Variants in UBAP2 observed in about 807,000 individuals in gnomAD.
The protein encoded by UBAP2 is ubiquitin associated protein 2, also known as ubiquitin-associated protein 2.
Under a neutral mutation model 139.6 loss-of-function variants are expected in UBAP2, and 75 were observed. The ratio of observed to expected loss-of-function variants is 0.54; its 90% CI spans 0.45 to 0.65. UBAP2 has a LOEUF of 0.65. UBAP2 is among the 30% of genes least tolerant of loss of function. The pLI is 0.00. For missense variants in UBAP2, 1,368 were observed against 1,369.6 expected, an observed-to-expected ratio of 1.00 and a Z score of 0.02; for synonymous variants, 526 against 526.2, an observed-to-expected ratio of 1.00 and a Z score of 0.01.
At position 33,933,463 on chromosome 9, in the gene UBAP2, C is replaced by T. The variant is rs201644643; in HGVS notation, c.2108+27G>A. ...CCAGGACTTGCCCCAAGGTACTTCT[C>T]ACTTTGGGCCCACACCTTCCCCATA... On this transcript the variant is annotated intron_variant, in intron 18 of 28. Coordinates refer to ENST00000379238, the MANE Select transcript of UBAP2 (RefSeq NM_001370062.2). 2.1e-5 allele frequency: 34 copies of T among 1,610,958 alleles called. No homozygotes were observed. In the African/African-American group the frequency reaches 3.9e-4, roughly 18 times the overall value.
chr9:33,925,937 G>A (rs1823391132), intron 22 of UBAP2, among the ~76,000 whole-genome samples: 1 of 152,210 alleles, frequency 6.6e-6, no homozygotes, highest in African/African-American at 2.4e-5. Context: ...CCATGGGCAG[G>A]GCAAGGAGCG....
At chr9:34,036,275 C>G (rs1284868078) in intron 1 of UBAP2, among the ~76,000 whole-genome samples, 1 of 151,894 alleles carries the variant, frequency 6.6e-6, no homozygotes, top group Non-Finnish European at 1.5e-5. Flanking sequence ...CACCGCCATG[C>G]CCGGATAATT....
intron 20 of UBAP2, 54 bp from the exon 21 acceptor site, chr9:33,927,134 G>T: frequency 7.2e-7 from 1 of 1,391,950 alleles, no homozygotes; most frequent in Non-Finnish European, 9.9e-7. Flanking sequence ...AAGAGTGAGA[G>T]TCCTCAGCTG....
At chr9:33,986,860 A>G in intron 5 of UBAP2, 23 bp from the exon 6 acceptor site, 2 of 1,608,210 alleles carry the variant, frequency 1.2e-6, no homozygotes, top group Non-Finnish European at 8.5e-7. Flanking sequence ...GAGCAGAAAA[A>G]TCAAATTTCC....
chr9:33,960,876 C>A lies in UBAP2; in HGVS notation c.748G>T (p.Ala250Ser). Residue 250 changes from alanine (A) to serine (S), a missense_variant and splice_region_variant, in exon 10 of 29, where the codon GCT (alanine) becomes TCT (serine). Ala to Ser is a moderately conservative substitution (Grantham distance 99). Transcript: ENST00000379238. The part of the protein sequence containing the change: ...SNKSSYGLKG[A>S]WKNSVEEWTT... ...CACTCTTCCACAGAATTCTTCCAAG[C>A]CCCTGTTGGGAAACAACAGCAATCA... The A allele has an allele frequency of 3.1e-6, 5 of 1,613,922 alleles. No individual in the cohort carries two copies. Among genetic ancestry groups the A allele is most frequent in the South Asian group, 2.2e-5 (2 of 91,068 alleles).
At position 33,996,283 on chromosome 9, in the gene UBAP2, A is replaced by C; in HGVS notation, c.228T>G (p.His76Gln). The change falls in exon 4 of 29, where the codon CAT becomes CAG. Residue 76 changes from histidine (H) to glutamine (Q), a missense_variant. His to Gln is a conservative substitution (Grantham distance 24, BLOSUM62 0). Coordinates refer to ENST00000379238, the MANE Select transcript of UBAP2 (RefSeq NM_001370062.2). ...CTTTGTTCACATCTCCATTACAATC[A>C]TGTAGGGCCACTATGCATTCATCCT... is the stretch of plus-strand genomic sequence containing the variant. ...KNQDECIVAL[H>Q]DCNGDVNKAI... 6.2e-7 allele frequency: 1 copy of C among 1,613,794 alleles called. No individual in the cohort carries two copies. Among genetic ancestry groups the C allele is most frequent in the Non-Finnish European group, 8.5e-7 (1 of 1,179,960 alleles).
Position 33,968,089 on chromosome 9 carries a change from C to T in UBAP2, c.679+3562G>A, listed in dbSNP as rs943762898. On this transcript the variant is annotated intron_variant, in intron 8 of 28. Transcript: ENST00000379238. ...AGGCACTCTAACTTATCAGATTGCC[C>T]GGCAGTTACATTCTCATGAATACTC... 1.8e-4 allele frequency: 83 copies of T among 470,062 alleles called. 1 individual carries two copies. Among genetic ancestry groups the T allele is most frequent in the South Asian group, 1.5e-3 (80 of 54,052 alleles). The allele number at this position is 470,062 out of a possible 1,614,324, so 29.1% of individuals were successfully genotyped here.
intron 12 of UBAP2, among the ~76,000 whole-genome samples, chr9:33,950,126 C>T (rs924709433): frequency 1.3e-5 from 2 of 152,062 alleles, no homozygotes; most frequent in Non-Finnish European, 2.9e-5. Context: ...AGTGCAGTGG[C>T]GCGATCTCGG....
At chr9:34,019,475 T>C (rs1824706622) in intron 1 of UBAP2, among the ~76,000 whole-genome samples, 1 of 151,834 alleles carries the variant, frequency 6.6e-6, no homozygotes. Context: ...GTCAAATTCA[T>C]AGAAACAAGT....
intron 6 of UBAP2, among the ~76,000 whole-genome samples, chr9:33,978,475 A>C (rs74797652): frequency 6.6e-6 from 1 of 152,230 alleles, no homozygotes; most frequent in East Asian, 1.9e-4. Context: ...AATTAGTTTT[A>C]AAAGTAGAGG....
At chr9:33,951,585 G>T (rs1826114042) in intron 12 of UBAP2, among the ~76,000 whole-genome samples, 1 of 151,968 alleles carries the variant, frequency 6.6e-6, no homozygotes, top group East Asian at 1.9e-4. Flanking sequence ...GACCTCAGGT[G>T]ATCCACCCAC....
At chr9:34,037,313 T>C (rs1312880025) in intron 1 of UBAP2, among the ~76,000 whole-genome samples, 1 of 152,084 alleles carries the variant, frequency 6.6e-6, no homozygotes, top group Non-Finnish European at 1.5e-5. Flanking sequence ...TTTGTATTTT[T>C]TGGTAGAGGT....
chr9:33,966,140 T>C (rs565159914), intron 8 of UBAP2, among the ~76,000 whole-genome samples: 47 of 152,032 alleles, frequency 3.1e-4, no homozygotes, highest in African/African-American at 1.0e-3. Context: ...TAATATTATA[T>C]AAAAATTTTA....
At chr9:33,959,712 TA>T (rs1458427705) in intron 10 of UBAP2, among the ~76,000 whole-genome samples, 1 of 152,142 alleles carries the variant, frequency 6.6e-6, no homozygotes, top group African/African-American at 2.4e-5. Context: ...GAATTTTTTT[TA>T]AAAAAAGGTT....
chr9:33,984,646 C>T (rs1241325875), intron 6 of UBAP2, among the ~76,000 whole-genome samples: 1 of 151,706 alleles, frequency 6.6e-6, no homozygotes, highest in Non-Finnish European at 1.5e-5. Context: ...CCACTGCACT[C>T]CAGCCTGGGC....
intron 20 of UBAP2, among the ~76,000 whole-genome samples, chr9:33,927,441 G>C (rs529946359): frequency 6.6e-6 from 1 of 152,168 alleles, no homozygotes; most frequent in African/African-American, 2.4e-5. Flanking sequence ...GTTCGAAGTC[G>C]GTTTTAGCAG....
intron 1 of UBAP2, among the ~76,000 whole-genome samples, chr9:34,017,636 C>T (rs559631314): frequency 6.6e-6 from 1 of 152,086 alleles, no homozygotes; most frequent in Non-Finnish European, 1.5e-5. Context: ...CTTAAAGAAA[C>T]AATTGTGTGG....
Position 33,971,739 on chromosome 9 carries a change from T to C in UBAP2, c.591A>G (p.Ala197=), listed in dbSNP as rs1399283079. The change falls in exon 8 of 29, where the codon GCA becomes GCG. Residue 197 remains alanine (A), a synonymous_variant. Coordinates refer to ENST00000379238, the MANE Select transcript of UBAP2 (RefSeq NM_001370062.2). ...STQGMGTFNP[A]DYSDSTSTDV... Reference sequence around the variant, plus strand: ...CTGTAGATGTAGAATCTGAATAGTCTGCAGGATTAAATGTCCTGGGGTTTG... The same window carrying C: ...CTGTAGATGTAGAATCTGAATAGTCCGCAGGATTAAATGTCCTGGGGTTTG... The C allele has an allele frequency of 1.9e-6, 3 of 1,607,056 alleles. No individual in the cohort carries two copies. The highest frequency in any genetic ancestry group is 2.6e-6 in the Non-Finnish European group (3 of 1,173,748).
chr9:34,001,008 C>G (rs2131201451), intron 2 of UBAP2, among the ~76,000 whole-genome samples: 1 of 152,294 alleles, frequency 6.6e-6, no homozygotes, highest in Admixed American at 6.5e-5. Context: ...ATCCCTAAAT[C>G]AGACAATCAT....
Sources: allele counts gnomAD v4.1 joint callset (sites outside exome capture counted in the v4.1 genomes callset), GRCh38; gene constraint gnomAD v4.1.1; transcripts MANE v1.5; gene names NCBI Gene and HGNC (gene_info 2026-07-23, HGNC 2026-07-21).